The following FGF5 variants were observed in gnomAD, a reference collection of about 807,000 sequenced individuals.
The protein encoded by FGF5 is fibroblast growth factor 5.
Under a neutral mutation model 21.8 loss-of-function variants are expected in FGF5, and 23 were observed. That is an observed-to-expected ratio of 1.05 (90% CI 0.76 to 1.49). FGF5 has a LOEUF of 1.49. Ranked by LOEUF, FGF5 falls within the 40% of genes most tolerant of loss-of-function variation. The probability of loss-of-function intolerance (pLI) is 0.00; values close to 1 mark genes in which losing one functional copy is unlikely to be tolerated. For missense variants in FGF5, 352 were observed against 332.9 expected, an observed-to-expected ratio of 1.06 and a Z score of -0.45; for synonymous variants, 158 against 124.0, an observed-to-expected ratio of 1.27 and a Z score of -1.82.
At chr4:80,274,191 T>A (rs528998415) in intron 1 of FGF5, among the ~76,000 whole-genome samples, 1 of 152,244 alleles carries the variant, frequency 6.6e-6, no homozygotes, top group Non-Finnish European at 1.5e-5. Flanking sequence ...GACTTCATAA[T>A]GCTAACTATA....
chr4:80,266,761 A>G lies in FGF5; in HGVS notation c.-64A>G, dbSNP rs542261216. The G allele has an allele frequency of 1.4e-4, 194 of 1,361,184 alleles. 1 individual carries two copies. In the South Asian group the frequency reaches 2.6e-3, roughly 18 times the overall value. 84.3% of individuals were successfully genotyped at this position (1,361,184 alleles called of 1,614,324 possible). A position where few individuals can be genotyped will look rare whatever the true frequency, so the allele number is the denominator to read the frequency against. ...GGCAGAGCCAGAGGCACGCAGCCGC[A>G]CAGGGGCTACAGAGCCCAGAATCAG... On this transcript the variant is annotated 5_prime_UTR_variant, in exon 1 of 3. Transcript: ENST00000312465.
intron 1 of FGF5, among the ~76,000 whole-genome samples, chr4:80,274,609 C>CTT (rs1448548895): frequency 6.6e-6 from 1 of 151,900 alleles, no homozygotes; most frequent in East Asian, 1.9e-4. Context: ...TTTTTAATTT[C>CTT]TTTAAAACCT....
At position 80,290,575 on chromosome 4, in the gene FGF5, A is replaced by G. The variant is rs1023074679; in HGVS notation, c.*3903A>G. ...TATTATACTTCAAGTTCTAGGGTAC[A>G]TGTCCACAATGCACATGTCTGTCAC... On this transcript the variant is annotated 3_prime_UTR_variant, in exon 3 of 3. Coordinates refer to ENST00000312465, the MANE Select transcript of FGF5 (RefSeq NM_004464.4). 1 of 152,040 alleles carries G rather than the reference A, an allele frequency of 6.6e-6. No individual in the cohort carries two copies. Among genetic ancestry groups the G allele is most frequent in the Non-Finnish European group, 1.5e-5 (1 of 68,008 alleles). The allele number at this position is 152,040 out of a possible 1,614,324, so 9.4% of individuals were successfully genotyped here.
rs1720822728 is a variant in FGF5 at position 80,289,035 on chromosome 4, C to T, written c.*2363C>T. On this transcript the variant is annotated 3_prime_UTR_variant, in exon 3 of 3. Transcript: ENST00000312465. ...TTTGAGACAGAGTCTTGCTCTGTCA[C>T]CAGGCTGGAGTGCAGTGGCATGATC... is the stretch of plus-strand genomic sequence containing the variant. 6.7e-6 allele frequency: 1 copy of T among 149,774 alleles called. No homozygotes were observed. The highest frequency in any genetic ancestry group is 2.1e-4 in the South Asian group (1 of 4,760). The allele number at this position is 149,774 out of a possible 1,614,324, so 9.3% of individuals were successfully genotyped here.
chr4:80,285,548 C>T (rs1162721714), intron 2 of FGF5, among the ~76,000 whole-genome samples: 1 of 152,138 alleles, frequency 6.6e-6, no homozygotes, highest in African/African-American at 2.4e-5. Flanking sequence ...TCATTGTACC[C>T]TCTGCATACC....
At chr4:80,269,870 A>G (rs1720220995) in intron 1 of FGF5, among the ~76,000 whole-genome samples, 1 of 152,172 alleles carries the variant, frequency 6.6e-6, no homozygotes, top group African/African-American at 2.4e-5. Context: ...TGGAGTGTCT[A>G]ATACTACTTC....
At chr4:80,275,092 T>C in intron 2 of FGF5, 80 bp downstream of exon 2, 2 of 583,580 alleles carry the variant, frequency 3.4e-6, no homozygotes, top group Non-Finnish European at 2.9e-6. Context: ...TCCAAATTCA[T>C]AGGTAAGAAA....
At chr4:80,285,592 G>C (rs1215968949) in intron 2 of FGF5, among the ~76,000 whole-genome samples, 2 of 152,132 alleles carry the variant, frequency 1.3e-5, no homozygotes, top group Non-Finnish European at 2.9e-5. Context: ...GCTGCACCAT[G>C]ACGGATGTCT....
chr4:80,284,129 T>C (rs922834050), intron 2 of FGF5, among the ~76,000 whole-genome samples: 1 of 152,054 alleles, frequency 6.6e-6, no homozygotes, highest in African/African-American at 2.4e-5. Context: ...ACATAGGTGG[T>C]GATTGTTTAT....
chr4:80,270,045 G>C (rs1720224954), intron 1 of FGF5, among the ~76,000 whole-genome samples: 1 of 152,234 alleles, frequency 6.6e-6, no homozygotes, highest in Non-Finnish European at 1.5e-5. Flanking sequence ...TGACATTCGT[G>C]TAAACTAAGG....
chr4:80,276,987 T>G (rs1720431713), intron 2 of FGF5, among the ~76,000 whole-genome samples: 1 of 151,876 alleles, frequency 6.6e-6, no homozygotes, highest in African/African-American at 2.4e-5. Flanking sequence ...CCATAGTACA[T>G]GCAAAAAAAA....
At position 80,287,065 on chromosome 4, in the gene FGF5, T is replaced by C. The variant is rs943946339; in HGVS notation, c.*393T>C. The stretch of plus-strand genomic sequence containing the variant: ...AAAGAATATTTTGATGCAGATAAAA[T>C]ATTTTGTTAACTTTTGTTTTTTTTT... On this transcript the variant is annotated 3_prime_UTR_variant, in exon 3 of 3. Transcript: ENST00000312465. The C allele has an allele frequency of 6.2e-6, 1 of 160,816 alleles. No individual in the cohort carries two copies. Among genetic ancestry groups the C allele is most frequent in the Non-Finnish European group, 1.4e-5 (1 of 73,400 alleles). 10.0% of individuals were successfully genotyped at this position (160,816 alleles called of 1,614,324 possible). A position where few individuals can be genotyped will look rare whatever the true frequency, so the allele number is the denominator to read the frequency against.
At position 80,290,508 on chromosome 4, in the gene FGF5, A is replaced by G. The variant is rs1720870777; in HGVS notation, c.*3836A>G. 6.6e-6 allele frequency: 1 copy of G among 152,124 alleles called. No homozygotes were observed. Among genetic ancestry groups the G allele is most frequent in the Non-Finnish European group, 1.5e-5 (1 of 67,990 alleles). The allele number at this position is 152,124 out of a possible 1,614,324, so 9.4% of individuals were successfully genotyped here. A position where few individuals can be genotyped will look rare whatever the true frequency, so the allele number is the denominator to read the frequency against. The stretch of plus-strand genomic sequence containing the variant: ...GATCCAACCTGAGTGGAGTCAGGTG[A>G]GGCATCTTTACATCTAAGAATTTTT... On this transcript the variant is annotated 3_prime_UTR_variant, in exon 3 of 3. Transcript: ENST00000312465.
intron 2 of FGF5, among the ~76,000 whole-genome samples, chr4:80,283,915 T>A (rs904639893): frequency 1.3e-5 from 2 of 152,186 alleles, no homozygotes; most frequent in Admixed American, 6.5e-5. Flanking sequence ...TGAAATAAAA[T>A]GTTGGGATTA....
chr4:80,286,582 A>G lies in FGF5; in HGVS notation c.717A>G (p.Pro239=), dbSNP rs750589795. Residue 239 remains proline, a synonymous_variant, in exon 3 of 3, where the codon CCA becomes CCG. Coordinates refer to ENST00000312465, the MANE Select transcript of FGF5 (RefSeq NM_004464.4). ...TTACTGTTCCTGAAAAGAAAAAGCC[A>G]CCTAGCCCTATCAAGCCAAAGATTC... The part of the protein sequence containing the change: ...FTVTVPEKKK[P]PSPIKPKIPL... The G allele has an allele frequency of 6.2e-6, 10 of 1,614,034 alleles. No individual in the cohort carries two copies. The Admixed American group carries it at 1.7e-4, about 27-fold the overall frequency.
In FGF5 at chr4:80,281,646, G is replaced by T. The variant is rs911598729; in HGVS notation, c.460-4679G>T. 2.0e-5 allele frequency among the ~76,000 whole-genome samples: 3 copies of T among 152,026 alleles called. No homozygotes were observed. In the South Asian group the frequency reaches 6.2e-4, roughly 32 times the overall value. On this transcript the variant is annotated intron_variant, in intron 2 of 2. Coordinates refer to ENST00000312465, the MANE Select transcript of FGF5 (RefSeq NM_004464.4). ...AGTTCTGTAGTTGCACGCAAGAGTC[G>T]GTATTTGCACAGCTTTAATTCATAC...
At position 80,288,578 on chromosome 4, in the gene FGF5, C is replaced by A. The variant is rs1043858895; in HGVS notation, c.*1906C>A. 1 of 152,178 alleles carries A rather than the reference C, an allele frequency of 6.6e-6. No individual in the cohort carries two copies. Among genetic ancestry groups the A allele is most frequent in the African/African-American group, 2.4e-5 (1 of 41,444 alleles). 9.4% of individuals were successfully genotyped at this position (152,178 alleles called of 1,614,324 possible). A position where few individuals can be genotyped will look rare whatever the true frequency, so the allele number is the denominator to read the frequency against. ...TCCAAATGGCATATGACCCTGTTTA[C>A]ACAGCCTAAAGCTAAAAATATTACT... On this transcript the variant is annotated 3_prime_UTR_variant, in exon 3 of 3. Coordinates refer to ENST00000312465, the MANE Select transcript of FGF5 (RefSeq NM_004464.4).
intron 2 of FGF5, among the ~76,000 whole-genome samples, chr4:80,277,679 T>A (rs1435675733): frequency 6.6e-6 from 1 of 152,140 alleles, no homozygotes; most frequent in African/African-American, 2.4e-5. Flanking sequence ...CATAGACTTT[T>A]AGGATTAAAC....
At chr4:80,282,793 T>C (rs1720593769) in intron 2 of FGF5, among the ~76,000 whole-genome samples, 1 of 152,170 alleles carries the variant, frequency 6.6e-6, no homozygotes, top group Non-Finnish European at 1.5e-5. Context: ...GGGTTTTTTT[T>C]CTAGAAAAAT....
Sources: gnomAD v4.1 joint callset for allele counts (sites outside exome capture counted in the v4.1 genomes callset) on GRCh38, gnomAD v4.1.1 for gene constraint, MANE v1.5 for transcripts, NCBI Gene and HGNC (gene_info 2026-07-23, HGNC 2026-07-21) for gene names.